IGF2R: variants seen among roughly 807,000 people sequenced by gnomAD.
IGF2R encodes the protein cation-independent mannose-6-phosphate receptor.
Under a neutral mutation model 270.6 loss-of-function variants are expected in IGF2R, and 91 were observed. That is an observed-to-expected ratio of 0.34 (90% CI 0.28 to 0.40). The LOEUF (loss-of-function observed/expected upper bound fraction) is 0.40. IGF2R is among the 10% of genes least tolerant of loss of function. The pLI is 1.00. For missense variants in IGF2R, 2,805 were observed against 3,188.3 expected, an observed-to-expected ratio of 0.88 and a Z score of 2.90; for synonymous variants, 1,316 against 1,258.9, an observed-to-expected ratio of 1.05 and a Z score of -0.96.
At chr6:160,065,804 GTGTGTGTGTGTATA>G (rs1342915174) in intron 29 of IGF2R, among the ~76,000 whole-genome samples, 75 of 61,528 alleles carry the variant, frequency 1.2e-3, no homozygotes, top group African/African-American at 4.4e-3. Flanking sequence ...GTGTGTGTGT[GTGTGTGTGTGTATA>G]TATATATATA....
intron 21 of IGF2R, among the ~76,000 whole-genome samples, chr6:160,058,337 T>C (rs1351964033): frequency 2.0e-5 from 3 of 152,222 alleles, no homozygotes; most frequent in East Asian, 1.9e-4. Flanking sequence ...AAGACTGTTA[T>C]TCTTCAAATA....
intron 39 of IGF2R, among the ~76,000 whole-genome samples, chr6:160,081,929 A>G (rs565260818): frequency 6.6e-6 from 1 of 152,360 alleles, no homozygotes; most frequent in Admixed American, 6.5e-5. Context: ...TGCTTTACGA[A>G]CAATTTGTGC....
intron 4 of IGF2R, 93 bp downstream of exon 4, chr6:160,010,878 C>CT (rs1784323656): frequency 1.4e-6 from 1 of 690,196 alleles, no homozygotes; most frequent in South Asian, 2.0e-5. Flanking sequence ...GGGTGAAAAT[C>CT]TTTTTTAGCT....
intron 2 of IGF2R, among the ~76,000 whole-genome samples, chr6:160,002,313 C>A (rs1784142482): frequency 6.6e-6 from 1 of 152,148 alleles, no homozygotes; most frequent in African/African-American, 2.4e-5. Flanking sequence ...ATTGCTTGAG[C>A]CCAGGAGGTG....
chr6:160,088,490 G>C (rs1302463872), intron 42 of IGF2R, among the ~76,000 whole-genome samples: 1 of 152,220 alleles, frequency 6.6e-6, no homozygotes, highest in Non-Finnish European at 1.5e-5. Flanking sequence ...AGCCTGGCTG[G>C]GACCCTCGAG....
In IGF2R at chr6:160,024,652, G is replaced by A. The variant is rs144741216; in HGVS notation, c.594G>A (p.Val198=). The A allele has an allele frequency of 2.2e-5, 35 of 1,613,938 alleles. No homozygotes were observed. Among genetic ancestry groups the A allele is most frequent in the Non-Finnish European group, 2.9e-5 (34 of 1,179,980 alleles). Residue 198 remains valine (V), a synonymous_variant, in exon 5 of 48, where the codon GTG becomes GTA. Coordinates refer to ENST00000356956, the MANE Select transcript of IGF2R (RefSeq NM_000876.4). The stretch of plus-strand genomic sequence containing the variant: ...TCAAGCTTAGTGGTGCCTACTTGGT[G>A]GATGACTCCGATCCGGACACTTCTC... ...PLIKLSGAYL[V]DDSDPDTSLF...
In IGF2R at chr6:159,969,276, C is replaced by T. The variant is rs2115160581; in HGVS notation, c.30C>T (p.His10=). 1.7e-6 allele frequency: 2 copies of T among 1,161,480 alleles called. No individual in the cohort carries two copies. Among genetic ancestry groups the T allele is most frequent in the Non-Finnish European group, 1.1e-6 (1 of 945,756 alleles). 71.9% of individuals were successfully genotyped at this position (1,161,480 alleles called of 1,614,324 possible). A position where few individuals can be genotyped will look rare whatever the true frequency, so the allele number is the denominator to read the frequency against. Residue 10 remains histidine (H), a synonymous_variant, in exon 1 of 48, where the codon CAC becomes CAT. Transcript: ENST00000356956. The part of the protein sequence containing the change: MGAAAGRSP[H]LGPAPARRPQ... Reference sequence around the variant, plus strand: ...GGGCCGCCGCCGGCCGGAGCCCCCACCTGGGGCCCGCGCCCGCCCGCCGCC... The same window carrying T: ...GGGCCGCCGCCGGCCGGAGCCCCCATCTGGGGCCCGCGCCCGCCCGCCGCC...
chr6:160,044,496 TC>T lies in IGF2R; in HGVS notation c.1622-13del. ...ATTTTTAACCACATCTTCTGTTTTC[TC>T]CCCCTTTCTCTTCCAGATAAAAATG... On this transcript the variant is annotated splice_polypyrimidine_tract_variant and intron_variant, in intron 12 of 47. Coordinates refer to ENST00000356956, the MANE Select transcript of IGF2R (RefSeq NM_000876.4). 2.5e-6 allele frequency: 4 copies of T among 1,579,298 alleles called. No homozygotes were observed. The highest frequency in any genetic ancestry group is 3.5e-6 in the Non-Finnish European group (4 of 1,154,758).
intron 4 of IGF2R, among the ~76,000 whole-genome samples, chr6:160,016,965 G>A (rs1184933126): frequency 2.0e-5 from 3 of 152,100 alleles, no homozygotes; most frequent in African/African-American, 7.2e-5. Flanking sequence ...GAAAAAGCAG[G>A]GTGTTATAGC....
At chr6:160,012,498 C>CTT (rs1376720183) in intron 4 of IGF2R, among the ~76,000 whole-genome samples, 2 of 152,016 alleles carry the variant, frequency 1.3e-5, no homozygotes, top group Non-Finnish European at 2.9e-5. Context: ...GAGCACCTCA[C>CTT]GTGGCCAGAG....
At chr6:160,066,101 G>A (rs138112329) in intron 29 of IGF2R, among the ~76,000 whole-genome samples, 7,743 of 148,294 alleles carry the variant, frequency 0.052, 265 homozygotes, top group Non-Finnish European at 0.08. Flanking sequence ...TGCAACCTCC[G>A]CCTCCCGGGT....
In IGF2R at chr6:160,040,583, G is replaced by C. The variant is rs762191176; in HGVS notation, c.1339G>C (p.Val447Leu). 6.2e-7 allele frequency: 1 copy of C among 1,614,178 alleles called. No individual in the cohort carries two copies. The highest frequency in any genetic ancestry group is 1.6e-4 in the Middle Eastern group (1 of 6,062). ...TAGNDGKGTP[V>L]FTGEVDCTYF... The stretch of plus-strand genomic sequence containing the variant: ...AGGTAACGATGGGAAAGGAACTCCT[G>C]TATTCACAGGGGAGGTTGACTGCAC... Residue 447 changes from valine to leucine, a missense_variant, in exon 11 of 48, where the codon GTA becomes CTA. This residue lies in a region of IGF2R where 954 missense variants were observed against 981.1 expected (regional missense o/e 0.97). Transcript: ENST00000356956.
At position 160,073,837 on chromosome 6, in the gene IGF2R, T is replaced by C; in HGVS notation, c.5028T>C (p.Tyr1676=). The stretch of plus-strand genomic sequence containing the variant: ...ATCGCACTGGTGGTTATGAGGCTTA[T>C]GATGAGAGTGAGGATGATGCCTCCG... ...LIHRTGGYEA[Y]DESEDDASDT... is the part of the protein sequence containing the mutation. Residue 1676 remains tyrosine (Y), a synonymous_variant, in exon 35 of 48, where the codon TAT becomes TAC. Transcript: ENST00000356956. 6.2e-7 allele frequency: 1 copy of C among 1,614,080 alleles called. No homozygotes were observed. Among genetic ancestry groups the C allele is most frequent in the South Asian group, 1.1e-5 (1 of 91,084 alleles).
At chr6:160,040,504 T>C (rs1777920961) in intron 10 of IGF2R, 56 bp from the exon 11 acceptor site, 1 of 1,487,302 alleles carries the variant, frequency 6.7e-7, no homozygotes, top group African/African-American at 1.4e-5. Context: ...GCTCCTTAGC[T>C]GTTCCTCAAT....
chr6:160,104,573 C>T, intron 47 of IGF2R, 101 bp from the exon 48 acceptor site: 1 of 1,270,382 alleles, frequency 7.9e-7, no homozygotes. Context: ...CAGTTCTTCC[C>T]CAGCTCGTGC....
At chr6:160,054,871 G>C (rs915400849) in intron 19 of IGF2R, among the ~76,000 whole-genome samples, 11 of 152,314 alleles carry the variant, frequency 7.2e-5, no homozygotes, top group African/African-American at 2.6e-4. Flanking sequence ...AGGGTGTGTG[G>C]CAGCTTCCTC....
chr6:160,040,666 C>T lies in IGF2R; in HGVS notation c.1422C>T (p.Leu474=), dbSNP rs1412058859. The stretch of plus-strand genomic sequence containing the variant: ...GTGTTAAGGAGAAGGAAGACCTCCT[C>T]TGCGGTGCCACCGACGGGAAGAAGC... The part of the protein sequence containing the change: ...YACVKEKEDL[L]CGATDGKKRY... Residue 474 remains leucine, a synonymous_variant, in exon 11 of 48, where the codon CTC becomes CTT. Transcript: ENST00000356956. 1.9e-6 allele frequency: 3 copies of T among 1,614,096 alleles called. No homozygotes were observed. The highest frequency in any genetic ancestry group is 1.1e-5 in the South Asian group (1 of 91,076).
At chr6:160,097,573 G>T (rs1562378487) in intron 45 of IGF2R, among the ~76,000 whole-genome samples, 2 of 152,210 alleles carry the variant, frequency 1.3e-5, no homozygotes, top group Non-Finnish European at 2.9e-5. Flanking sequence ...CAGATAATCT[G>T]CCTGCCTTGG....
chr6:160,023,444 G>T (rs150967544), intron 4 of IGF2R, among the ~76,000 whole-genome samples: 105 of 152,178 alleles, frequency 6.9e-4, no homozygotes, highest in Middle Eastern at 6.8e-3. Context: ...AATTTGAGAT[G>T]GTTTTGTGTA....
Sources: gnomAD v4.1 joint callset for allele counts (sites outside exome capture counted in the v4.1 genomes callset) on GRCh38, gnomAD v4.1.1 for gene constraint, gnomAD v4.1.1 regional missense constraint, MANE v1.5 for transcripts, NCBI Gene and HGNC (gene_info 2026-07-23, HGNC 2026-07-21) for gene names.